PCDHA8: variants seen among roughly 807,000 people sequenced by gnomAD.
PCDHA8 encodes protocadherin alpha-8.
Under a neutral mutation model 61.8 loss-of-function variants are expected in PCDHA8, and 53 were observed. The ratio of observed to expected loss-of-function variants is 0.86; its 90% CI spans 0.69 to 1.08. The LOEUF is 1.08. Among genes scored for constraint, PCDHA8 ranks in the 50% least tolerant of loss-of-function variants. The probability of loss-of-function intolerance (pLI) is 0.00; values close to 1 mark genes in which losing one functional copy is unlikely to be tolerated. For synonymous variants in PCDHA8, 618 were observed against 556.6 expected (o/e 1.11, Z -1.55); for missense variants, 1,293 against 1,245.0 (o/e 1.04, Z -0.58).
rs576672267 is a variant in PCDHA8 at position 140,878,151 on chromosome 5, T to G, written c.2394+34436T>G. 31 of 178,298 alleles carry G rather than the reference T, an allele frequency of 1.7e-4. No individual in the cohort carries two copies. The Middle Eastern group carries it at 7.4e-3, about 42-fold the overall frequency. The allele number at this position is 178,298 out of a possible 1,614,324, so 11.0% of individuals were successfully genotyped here. On this transcript the variant is annotated intron_variant, in intron 1 of 3. Coordinates refer to ENST00000531613, the MANE Select transcript of PCDHA8 (RefSeq NM_018911.3). Reference sequence around the variant, plus strand: ...AAAAGTGGCCAGATGTTTGATAACTTAAAAATTTAATTTGTTCATAATTTC... The same window carrying G: ...AAAAGTGGCCAGATGTTTGATAACTGAAAAATTTAATTTGTTCATAATTTC...
intron 1 of PCDHA8, among the ~76,000 whole-genome samples, chr5:140,973,451 G>A (rs1317548382): frequency 2.0e-5 from 3 of 152,172 alleles, no homozygotes; most frequent in African/African-American, 7.2e-5. Context: ...TATAATGACT[G>A]GGGCTGTTTT....
rs782706939 is a variant in PCDHA8 at position 140,967,257 on chromosome 5, G to C, written c.2395-11692G>C. ...CAGGTAAGCGAATCGGTGGCGCCTG[G>C]AGCGCGCTTTCACATAGAGAGTGCG... is the stretch of plus-strand genomic sequence containing the variant. On this transcript the variant is annotated intron_variant, in intron 1 of 3. Coordinates refer to ENST00000531613, the MANE Select transcript of PCDHA8 (RefSeq NM_018911.3). 1.9e-6 allele frequency: 3 copies of C among 1,613,486 alleles called. No individual in the cohort carries two copies. The highest frequency in any genetic ancestry group is 1.3e-5 in the African/African-American group (1 of 75,062).
chr5:140,928,533 T>C (rs112671808), intron 1 of PCDHA8: 1 of 1,614,230 alleles, frequency 6.2e-7, no homozygotes, highest in African/African-American at 1.3e-5. Flanking sequence ...TTGTGGTAGA[T>C]AGGAATGACA....
At chr5:140,936,577 A>G (rs776415020) in intron 1 of PCDHA8, among the ~76,000 whole-genome samples, 1 of 152,186 alleles carries the variant, frequency 6.6e-6, no homozygotes, top group Non-Finnish European at 1.5e-5. Flanking sequence ...TCCACTTGTA[A>G]ATCCAGTTAG....
intron 1 of PCDHA8, chr5:140,883,965 T>C: frequency 6.2e-7 from 1 of 1,613,128 alleles, no homozygotes; most frequent in Non-Finnish European, 8.5e-7. Flanking sequence ...CCGGCGCTGC[T>C]GACGCCCGGG....
At chr5:141,000,643 G>A (rs2097954450) in intron 3 of PCDHA8, among the ~76,000 whole-genome samples, 1 of 151,102 alleles carries the variant, frequency 6.6e-6, no homozygotes, top group Non-Finnish European at 1.5e-5. Context: ...GGGCAGGCTG[G>A]TCTCGAACTC....
At chr5:140,969,161 G>A (rs782498682) in intron 1 of PCDHA8, 1 of 1,614,156 alleles carries the variant, frequency 6.2e-7, no homozygotes, top group South Asian at 1.1e-5. Context: ...CTGTCTGACA[G>A]CAGGCTCAGG....
intron 1 of PCDHA8, chr5:140,870,549 C>T: frequency 2.5e-6 from 4 of 1,614,062 alleles, no homozygotes; most frequent in Non-Finnish European, 3.4e-6. Context: ...GGGACGCGGA[C>T]GCGCAGGAGA....
At chr5:140,941,401 C>T (rs1200707950) in intron 1 of PCDHA8, among the ~76,000 whole-genome samples, 1 of 149,796 alleles carries the variant, frequency 6.7e-6, no homozygotes, top group Non-Finnish European at 1.5e-5. Flanking sequence ...ACTGCAACCT[C>T]CGCCTCCCGG....
intron 1 of PCDHA8, among the ~76,000 whole-genome samples, chr5:140,891,953 T>G (rs1056816293): frequency 6.6e-6 from 1 of 152,238 alleles, no homozygotes; most frequent in African/African-American, 2.4e-5. Flanking sequence ...GCTCCAGAAT[T>G]GTGAGAAGTA....
At chr5:140,851,062 AGTGAGAATTATAAACT>A in intron 1 of PCDHA8, 1 of 1,372,160 alleles carries the variant, frequency 7.3e-7, no homozygotes, top group Non-Finnish European at 9.6e-7. Context: ...CTTGACTTCT[AGTGAGAATTATAAACT>A]GTATATTAAA....
chr5:141,007,481 T>C (rs2098332347), intron 3 of PCDHA8, among the ~76,000 whole-genome samples: 1 of 151,600 alleles, frequency 6.6e-6, no homozygotes, highest in Non-Finnish European at 1.5e-5. Context: ...GGCACGAGAA[T>C]TACTTGGACC....
At chr5:140,982,318 G>A (rs2096977750) in intron 2 of PCDHA8, 157 bp from the exon 3 acceptor site, 3 of 1,356,910 alleles carry the variant, frequency 2.2e-6, no homozygotes, top group Non-Finnish European at 2.9e-6. Context: ...AGTTTATGCA[G>A]GGTGACTGCT....
intron 1 of PCDHA8, chr5:140,870,762 C>T (rs1581982773): frequency 1.2e-6 from 2 of 1,613,514 alleles, no homozygotes; most frequent in East Asian, 2.2e-5. Context: ...TGCAGGTGTT[C>T]GTGCTGGACG....
intron 1 of PCDHA8, among the ~76,000 whole-genome samples, chr5:140,920,841 T>TAAAAAAAAA (rs781921146): frequency 9.2e-6 from 1 of 109,226 alleles, no homozygotes; most frequent in Non-Finnish European, 1.9e-5. Context: ...AGACCAAATC[T>TAAAAAAAAA]AAAAAAAAAA....
intron 1 of PCDHA8, among the ~76,000 whole-genome samples, chr5:140,886,130 C>T (rs2060865178): frequency 6.6e-6 from 1 of 152,144 alleles, no homozygotes; most frequent in African/African-American, 2.4e-5. Flanking sequence ...TCCGTAACAA[C>T]CAGATTCTTG....
In PCDHA8 at chr5:140,842,728, G is replaced by A. The variant is rs2150343168; in HGVS notation, c.1407G>A (p.Pro469=). 2 of 1,595,050 alleles carry A rather than the reference G, an allele frequency of 1.3e-6. 1 individual carries two copies. ...EYTVFVKENN[P]PGCHIFTVSA... is the part of the protein sequence containing the mutation. Reference sequence around the variant, plus strand: ...CGGTGTTCGTGAAGGAGAACAACCCGCCGGGCTGCCACATCTTCACGGTGT... The same window carrying A: ...CGGTGTTCGTGAAGGAGAACAACCCACCGGGCTGCCACATCTTCACGGTGT... Residue 469 remains proline (P), a synonymous_variant, in exon 1 of 4, where the codon CCG becomes CCA. Transcript: ENST00000531613.
chr5:140,885,410 G>A (rs1203684049), intron 1 of PCDHA8, among the ~76,000 whole-genome samples: 3 of 152,088 alleles, frequency 2.0e-5, no homozygotes, highest in Non-Finnish European at 4.4e-5. Flanking sequence ...TTTAATAGCT[G>A]TGTAGTATTC....
intron 1 of PCDHA8, among the ~76,000 whole-genome samples, chr5:140,941,032 T>C (rs1321810263): frequency 6.6e-6 from 1 of 152,222 alleles, no homozygotes; most frequent in Non-Finnish European, 1.5e-5. Flanking sequence ...CTGGCCTTTT[T>C]GGTGCCAAGT....
Sources: allele counts gnomAD v4.1 joint callset (sites outside exome capture counted in the v4.1 genomes callset), GRCh38; gene constraint gnomAD v4.1.1; transcripts MANE v1.5; gene names NCBI Gene and HGNC (gene_info 2026-07-23, HGNC 2026-07-21).